The following PDE4D variants were observed in gnomAD, a reference collection of about 807,000 sequenced individuals.
The protein encoded by PDE4D is phosphodiesterase 4D.
PDE4D carries 24 observed loss-of-function variants against 87.4 expected under a neutral mutation model. The observed-to-expected ratio is 0.27, with a 90% CI of 0.20 to 0.39. PDE4D has a LOEUF of 0.39. Among genes scored for constraint, PDE4D ranks in the 10% least tolerant of loss-of-function variants. PDE4D has a pLI of 1.00. For synonymous variants in PDE4D, 384 were observed against 383.2 expected (o/e 1.00, Z -0.02); for missense variants, 714 against 1,041.0 (o/e 0.69, Z 4.32).
chr5:59,716,582 C>T (rs1337149851), intron 1 of PDE4D, among the ~76,000 whole-genome samples: 1 of 152,186 alleles, frequency 6.6e-6, no homozygotes, highest in African/African-American at 2.4e-5. Context: ...GCAATTCAAC[C>T]TCTGGTCACG....
chr5:59,314,107 T>C (rs1773212999), intron 1 of PDE4D: 1 of 152,126 alleles, frequency 6.6e-6, no homozygotes, highest in African/African-American at 2.4e-5. Flanking sequence ...TGCTTATGCT[T>C]ACACTTGGTT....
intron 5 of PDE4D, among the ~76,000 whole-genome samples, chr5:59,088,048 A>G (rs1170830462): frequency 6.6e-6 from 1 of 152,192 alleles, no homozygotes; most frequent in African/African-American, 2.4e-5. Context: ...AGCCAAGTAC[A>G]ATTCCTAGGC....
rs79021473 is a variant in PDE4D at position 59,561,276 on chromosome 5, C to T, written c.455+331892G>A. ...GGGGTTCTCAGATCCACAGTGGGGT[C>T]GTCCGTTATTGGAGTATTATTTTGC... On this transcript the variant is annotated intron_variant, in intron 1 of 14. Coordinates refer to ENST00000340635, the MANE Select transcript of PDE4D (RefSeq NM_001104631.2). 4.4e-3 allele frequency among the ~76,000 whole-genome samples: 663 copies of T among 152,212 alleles called. 5 individuals are homozygous for T. The highest frequency in any genetic ancestry group is 0.015 in the African/African-American group (617 of 41,536).
chr5:59,612,593 A>G (rs1418034772), intron 1 of PDE4D, among the ~76,000 whole-genome samples: 1 of 152,210 alleles, frequency 6.6e-6, no homozygotes, highest in Non-Finnish European at 1.5e-5. Flanking sequence ...AAAAAGTGAA[A>G]TCTATATAAG....
chr5:59,189,517 T>C, intron 3 of PDE4D, among the ~76,000 whole-genome samples: 1 of 152,168 alleles, frequency 6.6e-6, no homozygotes. Flanking sequence ...AAAATTCTAG[T>C]CAACTTAGAG....
chr5:59,748,674 A>G (rs1759983206), intron 1 of PDE4D, among the ~76,000 whole-genome samples: 1 of 151,264 alleles, frequency 6.6e-6, no homozygotes, highest in Non-Finnish European at 1.5e-5. Flanking sequence ...GGGGAGAGGG[A>G]TAGCATTAGG....
At chr5:59,175,600 C>G (rs958201239) in intron 5 of PDE4D, among the ~76,000 whole-genome samples, 8 of 150,668 alleles carry the variant, frequency 5.3e-5, no homozygotes, top group South Asian at 4.2e-4. Context: ...CCTGTCTCAG[C>G]CTCCCGAGTA....
intron 1 of PDE4D, among the ~76,000 whole-genome samples, chr5:59,236,632 G>A (rs1005809568): frequency 2.0e-5 from 3 of 152,082 alleles, no homozygotes; most frequent in East Asian, 1.9e-4. Context: ...ACTCGGGAGC[G>A]GGAGTGGTGA....
At chr5:59,098,556 T>C (rs1043077540) in intron 5 of PDE4D, among the ~76,000 whole-genome samples, 1 of 150,476 alleles carries the variant, frequency 6.6e-6, no homozygotes, top group Admixed American at 6.6e-5. Context: ...AAAAAAAAAA[T>C]TGCTGGGTAT....
At chr5:59,101,018 C>G (rs796271237) in intron 5 of PDE4D, among the ~76,000 whole-genome samples, 1 of 152,250 alleles carries the variant, frequency 6.6e-6, no homozygotes, top group African/African-American at 2.4e-5. Context: ...TGGTCCTGTC[C>G]AGACCTGTGT....
chr5:59,437,452 C>T (rs550797399), intron 1 of PDE4D, among the ~76,000 whole-genome samples: 32 of 152,278 alleles, frequency 2.1e-4, no homozygotes, highest in Non-Finnish European at 3.1e-4. Flanking sequence ...ACACTTTAAA[C>T]TTATTTCCAA....
At chr5:60,333,182 G>A (rs1200774528) in intron 1 of PDE4D, among the ~76,000 whole-genome samples, 1 of 152,074 alleles carries the variant, frequency 6.6e-6, no homozygotes, top group African/African-American at 2.4e-5. Context: ...GGTATGACTC[G>A]CTCCCCTCAC....
At chr5:59,201,008 T>C (rs887646232) in intron 2 of PDE4D, among the ~76,000 whole-genome samples, 2 of 152,142 alleles carry the variant, frequency 1.3e-5, no homozygotes, top group African/African-American at 4.8e-5. Context: ...TTTTAAAATA[T>C]TGTTAATGAT....
intron 1 of PDE4D, among the ~76,000 whole-genome samples, chr5:60,515,601 C>CTTTTTTTTT (rs954970783): frequency 5.9e-4 from 63 of 106,786 alleles, no homozygotes; most frequent in African/African-American, 1.8e-3. Context: ...TTTTCTTTTT[C>CTTTTTTTTT]TTTTTTTTTT....
intron 1 of PDE4D, among the ~76,000 whole-genome samples, chr5:59,560,186 T>G (rs1349569857): frequency 6.6e-6 from 1 of 152,216 alleles, no homozygotes; most frequent in Non-Finnish European, 1.5e-5. Context: ...GACACCATGT[T>G]TTTAAACATA....
chr5:59,807,192 C>A (rs1009201618), intron 1 of PDE4D, among the ~76,000 whole-genome samples: 1 of 151,470 alleles, frequency 6.6e-6, no homozygotes. Context: ...TTAGACCAGA[C>A]AAAAAGAGGT....
chr5:60,103,310 G>A (rs564608902), intron 2 of PDE4D, among the ~76,000 whole-genome samples: 20 of 152,280 alleles, frequency 1.3e-4, no homozygotes, highest in South Asian at 2.1e-4. Context: ...GACATGAACC[G>A]AGTAGGAATA....
At chr5:60,165,229 C>T (rs1336860541) in intron 2 of PDE4D, among the ~76,000 whole-genome samples, 1 of 152,166 alleles carries the variant, frequency 6.6e-6, no homozygotes, top group African/African-American at 2.4e-5. Context: ...CATATCTTGG[C>T]TATCATAAAA....
chr5:59,440,737 C>T (rs925617835), intron 1 of PDE4D, among the ~76,000 whole-genome samples: 1 of 152,090 alleles, frequency 6.6e-6, no homozygotes, highest in Non-Finnish European at 1.5e-5. Flanking sequence ...GGTTGCACCA[C>T]TGCACTCCAG....
Sources: gnomAD v4.1 joint callset for allele counts (sites outside exome capture counted in the v4.1 genomes callset) on GRCh38, gnomAD v4.1.1 for gene constraint, MANE v1.5 for transcripts, NCBI Gene and HGNC (gene_info 2026-07-23, HGNC 2026-07-21) for gene names.